CRIM1: variants seen among roughly 807,000 people sequenced by gnomAD.
CRIM1 encodes cysteine rich transmembrane BMP regulator 1, also known as cysteine-rich motor neuron 1 protein.
In CRIM1, 32 loss-of-function variants were observed where a neutral mutation model predicts 116.4. The observed-to-expected ratio is 0.27, with a 90% CI of 0.21 to 0.37. The LOEUF is 0.37. Ranked by LOEUF, CRIM1 falls within the 10% of genes least tolerant of loss-of-function variation. CRIM1 has a pLI of 1.00. For synonymous variants in CRIM1, 590 were observed against 509.2 expected (o/e 1.16, Z -2.13); for missense variants, 1,331 against 1,354.8 (o/e 0.98, Z 0.28).
At chr2:36,475,509 T>C (rs750148187) in intron 5 of CRIM1, among the ~76,000 whole-genome samples, 1 of 152,238 alleles carries the variant, frequency 6.6e-6, no homozygotes, top group Non-Finnish European at 1.5e-5. Flanking sequence ...ACATACAAGA[T>C]CATGTCATCT....
intron 5 of CRIM1, among the ~76,000 whole-genome samples, chr2:36,466,210 C>T (rs937314168): frequency 6.6e-6 from 1 of 152,080 alleles, no homozygotes; most frequent in Non-Finnish European, 1.5e-5. Context: ...TGCACACTTT[C>T]TATTCACATC....
chr2:36,544,163 T>TTCA (rs1667148799), intron 14 of CRIM1, among the ~76,000 whole-genome samples: 1 of 152,196 alleles, frequency 6.6e-6, no homozygotes, highest in African/African-American at 2.4e-5. Context: ...AGAGAATTCT[T>TTCA]TCATCTTTTA....
chr2:36,374,829 A>G (rs1670199754), intron 1 of CRIM1, among the ~76,000 whole-genome samples: 1 of 149,926 alleles, frequency 6.7e-6, no homozygotes, highest in Non-Finnish European at 1.5e-5. Context: ...TCTGATCCCT[A>G]GGCTCATGGC....
At chr2:36,523,915 T>C (rs1174561621) in intron 13 of CRIM1, among the ~76,000 whole-genome samples, 1 of 152,210 alleles carries the variant, frequency 6.6e-6, no homozygotes, top group East Asian at 1.9e-4. Context: ...GTATATGAGA[T>C]GGAAATGCCT....
At chr2:36,510,278 G>A in intron 9 of CRIM1, 139 bp downstream of exon 9, 1 of 762,968 alleles carries the variant, frequency 1.3e-6, no homozygotes, top group East Asian at 2.7e-5. Flanking sequence ...TTTGTTAGGT[G>A]ATTCAGAAAG....
Position 36,548,714 on chromosome 2 carries a change from AGGATGAGG to A in CRIM1, c.*14_*21del. Reference sequence around the variant, plus strand: ...CCAAACAGTGTGAAGAAAGGCAACTAGGATGAGGTTTCAAAAGACGGAAGACGACTAAA... The same window carrying A: ...CCAAACAGTGTGAAGAAAGGCAACTATTTCAAAAGACGGAAGACGACTAAA... On this transcript the variant is annotated 3_prime_UTR_variant, in exon 17 of 17. Transcript: ENST00000280527. The A allele has an allele frequency of 6.4e-7, 1 of 1,564,796 alleles. No individual in the cohort carries two copies. The highest frequency in any genetic ancestry group is 2.1e-5 in the Admixed American group (1 of 47,372).
chr2:36,523,924 C>G (rs537994724), intron 13 of CRIM1, among the ~76,000 whole-genome samples: 2 of 152,154 alleles, frequency 1.3e-5, no homozygotes, highest in African/African-American at 4.8e-5. Context: ...ATGGAAATGC[C>G]TGTTCTTAGG....
At chr2:36,542,818 T>G (rs1385553698) in intron 14 of CRIM1, among the ~76,000 whole-genome samples, 1 of 152,094 alleles carries the variant, frequency 6.6e-6, no homozygotes, top group African/African-American at 2.4e-5. Flanking sequence ...TTTCAGTGGG[T>G]GCATTAAATA....
chr2:36,485,441 A>G (rs139629237), intron 7 of CRIM1, among the ~76,000 whole-genome samples: 10 of 152,290 alleles, frequency 6.6e-5, no homozygotes, highest in Admixed American at 1.3e-4. Flanking sequence ...TTCTTCATCA[A>G]TCCCAAATTT....
At chr2:36,375,592 T>C (rs1269721202) in intron 1 of CRIM1, among the ~76,000 whole-genome samples, 1 of 152,228 alleles carries the variant, frequency 6.6e-6, no homozygotes, top group African/African-American at 2.4e-5. Context: ...GAATTATAAA[T>C]CTTTGAAGAT....
At chr2:36,436,497 A>T (rs964034972) in intron 2 of CRIM1, among the ~76,000 whole-genome samples, 1 of 152,218 alleles carries the variant, frequency 6.6e-6, no homozygotes, top group Admixed American at 6.5e-5. Flanking sequence ...AAATTAAAGT[A>T]AGTGCTGGAA....
At chr2:36,499,778 T>G (rs7571231) in intron 8 of CRIM1, among the ~76,000 whole-genome samples, 39,498 of 152,110 alleles carry the variant, frequency 0.26, 5,386 homozygotes, top group South Asian at 0.45. Flanking sequence ...TCCAATCATG[T>G]ATCCAGGCCC....
At chr2:36,457,665 C>T (rs995388603) in intron 4 of CRIM1, among the ~76,000 whole-genome samples, 3 of 151,944 alleles carry the variant, frequency 2.0e-5, no homozygotes, top group Non-Finnish European at 4.4e-5. Context: ...GCCTAAGGAA[C>T]TTTCATAGGG....
chr2:36,479,645 C>T lies in CRIM1; in HGVS notation c.1323C>T (p.Thr441=). Residue 441 remains threonine (T), a synonymous_variant, in exon 7 of 17, where the codon ACC becomes ACT. Transcript: ENST00000280527. ...RHCVATVCGQ[T]CTNPVKVPGE... Reference sequence around the variant, plus strand: ...GCGTTGCGACCGTCTGCGGACAGACCTGCACAAACCCTGTGAAAGTGCCTG... The same window carrying T: ...GCGTTGCGACCGTCTGCGGACAGACTTGCACAAACCCTGTGAAAGTGCCTG... 2 of 1,614,228 alleles carry T rather than the reference C, an allele frequency of 1.2e-6. No homozygotes were observed. The highest frequency in any genetic ancestry group is 1.7e-6 in the Non-Finnish European group (2 of 1,180,030).
intron 10 of CRIM1, 32 bp from the exon 11 acceptor site, chr2:36,513,524 C>T: frequency 6.3e-7 from 1 of 1,597,756 alleles, no homozygotes. Flanking sequence ...GCAGTAGCCA[C>T]TTCTTTACCA....
chr2:36,542,052 CTG>C (rs1471494164), intron 14 of CRIM1, among the ~76,000 whole-genome samples: 7 of 152,156 alleles, frequency 4.6e-5, no homozygotes, highest in African/African-American at 1.2e-4. Context: ...GACTTGAGGA[CTG>C]TGAACTGGAG....
At chr2:36,372,790 T>C (rs1474059219) in intron 1 of CRIM1, among the ~76,000 whole-genome samples, 5 of 152,148 alleles carry the variant, frequency 3.3e-5, no homozygotes, top group African/African-American at 7.2e-5. Flanking sequence ...TCAGATCCTT[T>C]TATTGGTCAT....
intron 2 of CRIM1, among the ~76,000 whole-genome samples, chr2:36,426,517 G>C (rs1674461917): frequency 6.6e-6 from 1 of 152,112 alleles, no homozygotes; most frequent in South Asian, 2.1e-4. Context: ...AAATTATCTT[G>C]AATAGGGAAG....
intron 2 of CRIM1, among the ~76,000 whole-genome samples, chr2:36,427,915 G>T (rs3770897): frequency 0.14 from 21,961 of 152,160 alleles, 1,870 homozygotes; most frequent in East Asian, 0.46. Flanking sequence ...TCAGCACCTG[G>T]CTGGTGGACA....
Sources: gnomAD v4.1 joint callset for allele counts (sites outside exome capture counted in the v4.1 genomes callset) on GRCh38, gnomAD v4.1.1 for gene constraint, MANE v1.5 for transcripts, NCBI Gene and HGNC (gene_info 2026-07-23, HGNC 2026-07-21) for gene names.